Variants in DKK4 observed in about 807,000 individuals in gnomAD.
DKK4 encodes the protein dickkopf Wnt signaling pathway inhibitor 4, also known as dickkopf-related protein 4.
A neutral mutation model predicts 14.5 loss-of-function variants in DKK4; 15 were observed. The observed-to-expected ratio is 1.03, with a 90% CI of 0.69 to 1.59. DKK4 has a LOEUF of 1.59. Ranked by LOEUF, DKK4 falls within the 40% of genes most tolerant of loss-of-function variation. The pLI is 0.00. For synonymous variants in DKK4, 89 were observed against 105.2 expected, an observed-to-expected ratio of 0.85 and a Z score of 0.94; for missense variants, 272 against 280.3, an observed-to-expected ratio of 0.97 and a Z score of 0.21.
At chr8:42,387,600 T>C in the DKK4 span, among the ~76,000 whole-genome samples, 5 of 152,098 alleles carry the variant, frequency 3.3e-5, no homozygotes, top group Admixed American at 6.6e-5. Flanking sequence ...CCTCAGGTGA[T>C]CCACCTGCTT....
At chr8:42,381,988 C>A (rs1269711213), upstream of DKK4, among the ~76,000 whole-genome samples, 1 of 152,184 alleles carries the variant, frequency 6.6e-6, no homozygotes, top group Non-Finnish European at 1.5e-5. Flanking sequence ...CAGAGCAAGA[C>A]TCCATCTAAA....
chr8:42,376,604 A>G (rs1249192335), intron 1 of DKK4, among the ~76,000 whole-genome samples: 1 of 152,176 alleles, frequency 6.6e-6, no homozygotes, highest in Non-Finnish European at 1.5e-5. Flanking sequence ...GAATTAGGGA[A>G]TGTTTCACCT....
upstream of DKK4, among the ~76,000 whole-genome samples, chr8:42,381,093 T>G (rs972213014): frequency 6.6e-6 from 1 of 151,846 alleles, no homozygotes; most frequent in Non-Finnish European, 1.5e-5. Context: ...ATTGCCCCGA[T>G]GACAATGAAG....
At chr8:42,380,729 AGGAAGGAGAGAGT>A (rs965341473), upstream of DKK4, among the ~76,000 whole-genome samples, 3 of 148,710 alleles carry the variant, frequency 2.0e-5, no homozygotes, top group Non-Finnish European at 4.5e-5. Flanking sequence ...GAAAAAAGGA[AGGAAGGAGAGAGT>A]GGAAAGAGAG....
chr8:42,379,351 C>CTATA (rs71548581), upstream of DKK4, among the ~76,000 whole-genome samples: 223 of 8,712 alleles, frequency 0.026, 21 homozygotes, highest in South Asian at 0.051. Context: ...GAGATTAAGC[C>CTATA]TATATATATA....
the DKK4 span, among the ~76,000 whole-genome samples, chr8:42,382,256 A>T: frequency 6.6e-6 from 1 of 152,134 alleles, no homozygotes; most frequent in African/African-American, 2.4e-5. Flanking sequence ...GGAACATGAC[A>T]TTTGGTATAT....
chr8:42,382,378 C>T, the DKK4 span, among the ~76,000 whole-genome samples: 4 of 152,170 alleles, frequency 2.6e-5, no homozygotes, highest in Admixed American at 6.5e-5. Context: ...CCCGCATCTC[C>T]ATGATTTGGG....
upstream of DKK4, among the ~76,000 whole-genome samples, chr8:42,380,796 GAA>G (rs1295427591): frequency 8.6e-6 from 1 of 116,328 alleles, no homozygotes; most frequent in Non-Finnish European, 1.7e-5. Context: ...AAGGAAGAAA[GAA>G]AAAGAAAAGG....
rs772147930 is a variant in DKK4, at chr8:42,374,843, A to G, written c.333T>C (p.His111=). ...ERQLDEQDGT[H]AEGTTGHPVQ... ...CTGGGTGCCCAGTTGTTCCTTCTGC[A>G]TGTGTGCCATCTTGCTCATCAAGCT... is the stretch of plus-strand genomic sequence containing the variant. The change falls in exon 3 of 4, where the codon CAT becomes CAC. Residue 111 remains histidine (H), a synonymous_variant. Coordinates refer to ENST00000220812, the MANE Select transcript of DKK4 (RefSeq NM_014420.3). The G allele has an allele frequency of 6.2e-7, 1 of 1,614,120 alleles. No homozygotes were observed. The highest frequency in any genetic ancestry group is 8.5e-7 in the Non-Finnish European group (1 of 1,180,026).
At chr8:42,388,800 G>C in the DKK4 span, among the ~76,000 whole-genome samples, 5 of 152,172 alleles carry the variant, frequency 3.3e-5, no homozygotes, top group East Asian at 1.9e-4. Context: ...CGATCTCTTG[G>C]CCTTGTGATC....
At chr8:42,375,974 A>G (rs190192732) in intron 1 of DKK4, 144 bp from the exon 2 acceptor site, 3 of 1,129,988 alleles carry the variant, frequency 2.7e-6, no homozygotes, top group Non-Finnish European at 3.7e-6. Context: ...TCCAGTGGAA[A>G]TGGTTTTCTC....
the DKK4 span, among the ~76,000 whole-genome samples, chr8:42,382,884 G>C: frequency 6.6e-6 from 1 of 152,196 alleles, no homozygotes. Context: ...GCAGACTCGT[G>C]TTTGAGACCT....
the DKK4 span, among the ~76,000 whole-genome samples, chr8:42,387,651 C>T: frequency 2.0e-5 from 3 of 152,056 alleles, no homozygotes; most frequent in Non-Finnish European, 4.4e-5. Context: ...TGAGCCACTG[C>T]GCTCAGCCAA....
chr8:42,386,544 T>C, the DKK4 span, among the ~76,000 whole-genome samples: 1 of 152,170 alleles, frequency 6.6e-6, no homozygotes. Flanking sequence ...CAGGCTGGAG[T>C]GCAGTGGCGC....
rs1257029358 is a variant in DKK4 at position 42,377,218 on chromosome 8, T to C, written c.-173A>G. ...TCTGAGTAAGGTGCGTGAAATCGGC[T>C]GAGCAAAGTCTGACCAGCAGGTTCC... On this transcript the variant is annotated 5_prime_UTR_variant, in exon 1 of 4. Transcript: ENST00000220812. The C allele has an allele frequency of 5.1e-6, 3 of 587,010 alleles. No individual in the cohort carries two copies. The highest frequency in any genetic ancestry group is 9.0e-6 in the Non-Finnish European group (3 of 333,112). The allele number at this position is 587,010 out of a possible 1,614,324, so 36.4% of individuals were successfully genotyped here.
chr8:42,374,425 T>G, intron 3 of DKK4, 66 bp from the exon 4 acceptor site: 1 of 1,595,570 alleles, frequency 6.3e-7, no homozygotes, highest in South Asian at 1.1e-5. Context: ...GGTTTGCTAC[T>G]GGGATAAGGG....
At chr8:42,390,906 A>C in the DKK4 span, among the ~76,000 whole-genome samples, 1 of 152,046 alleles carries the variant, frequency 6.6e-6, no homozygotes, top group Non-Finnish European at 1.5e-5. Context: ...TTTTCTCTTT[A>C]GTGAGTAATC....
At chr8:42,376,898 C>T in intron 1 of DKK4, 37 bp downstream of exon 1, 1 of 1,538,740 alleles carries the variant, frequency 6.5e-7, no homozygotes, top group South Asian at 1.1e-5. Context: ...CAGCTGTCAG[C>T]AGTCCCGTAC....
chr8:42,378,669 A>C (rs764456939), upstream of DKK4, among the ~76,000 whole-genome samples: 27 of 152,164 alleles, frequency 1.8e-4, no homozygotes, highest in Non-Finnish European at 3.7e-4. Flanking sequence ...ACTGTAAGGG[A>C]ATTTCAGGTT....
Sources: allele counts gnomAD v4.1 joint callset (sites outside exome capture counted in the v4.1 genomes callset), GRCh38; gene constraint gnomAD v4.1.1; transcripts MANE v1.5; gene names NCBI Gene and HGNC (gene_info 2026-07-23, HGNC 2026-07-21).